The following RIC1 variants were observed in gnomAD, a reference collection of about 807,000 sequenced individuals.
RIC1 encodes guanine nucleotide exchange factor subunit RIC1.
In RIC1, 88 loss-of-function variants were observed where a neutral mutation model predicts 169.0. That is an observed-to-expected ratio of 0.52 (90% CI 0.44 to 0.62). The LOEUF (loss-of-function observed/expected upper bound fraction) is 0.62. Among genes scored for constraint, RIC1 ranks in the 20% least tolerant of loss-of-function variants. The probability of loss-of-function intolerance (pLI) is 0.00; values close to 1 mark genes in which losing one functional copy is unlikely to be tolerated. For synonymous variants in RIC1, 790 were observed against 601.5 expected (o/e 1.31, Z -4.59); for missense variants, 1,877 against 1,725.5 (o/e 1.09, Z -1.56).
At chr9:5,677,361 T>A (rs1820512623) in intron 2 of RIC1, among the ~76,000 whole-genome samples, 1 of 152,228 alleles carries the variant, frequency 6.6e-6, no homozygotes, top group Non-Finnish European at 1.5e-5. Context: ...TTTGCCCATT[T>A]TTTTAGATGG....
Position 5,656,161 on chromosome 9 carries a change from C to T in RIC1, c.145-422C>T, listed in dbSNP as rs192168494. ...CTGGGATTACAGGCATGAGCCACCG[C>T]GCCTGGCCTGTAGTTTTCTTTTCAT... On this transcript the variant is annotated intron_variant, in intron 1 of 25. Transcript: ENST00000414202. Among the ~76,000 whole-genome samples, 60 of 152,264 alleles carry T rather than the reference C, an allele frequency of 3.9e-4. No homozygotes were observed. In the East Asian group the frequency reaches 9.3e-3, roughly 23 times the overall value.
intron 7 of RIC1, among the ~76,000 whole-genome samples, chr9:5,734,482 G>T (rs914066609): frequency 6.6e-6 from 1 of 152,024 alleles, no homozygotes; most frequent in Admixed American, 6.6e-5. Flanking sequence ...ATTTTTTCCA[G>T]GAATTGGTTT....
intron 1 of RIC1, among the ~76,000 whole-genome samples, chr9:5,651,043 G>C (rs1730089010): frequency 6.6e-6 from 1 of 152,168 alleles, no homozygotes; most frequent in Non-Finnish European, 1.5e-5. Flanking sequence ...GGTGGTACAG[G>C]ACCCAGTGTG....
intron 2 of RIC1, among the ~76,000 whole-genome samples, chr9:5,676,625 CT>C (rs1417955112): frequency 2.5e-4 from 38 of 152,198 alleles, no homozygotes; most frequent in South Asian, 8.3e-4. Context: ...TAGGCATCTC[CT>C]TATCAATTTG....
intron 3 of RIC1, among the ~76,000 whole-genome samples, chr9:5,698,943 G>C (rs1822060173): frequency 6.6e-6 from 1 of 152,174 alleles, no homozygotes; most frequent in Non-Finnish European, 1.5e-5. Context: ...AAAACTTTAA[G>C]AGGTTGCCAA....
In RIC1 at chr9:5,731,881, T is replaced by C. The variant is rs1446419939; in HGVS notation, c.721-507T>C. On this transcript the variant is annotated intron_variant, in intron 6 of 25. Coordinates refer to ENST00000414202, the MANE Select transcript of RIC1 (RefSeq NM_020829.4). ...AGTCCTGAGCTGTCAGGCTTCCAGA[T>C]ACCATGCTATTAACCATTACACTAT... Among the ~76,000 whole-genome samples, 3 of 152,306 alleles carry C rather than the reference T, an allele frequency of 2.0e-5. No individual in the cohort carries two copies. In the East Asian group the frequency reaches 5.8e-4, roughly 29 times the overall value.
chr9:5,670,011 A>C (rs1449098454), intron 2 of RIC1, among the ~76,000 whole-genome samples: 1 of 152,162 alleles, frequency 6.6e-6, no homozygotes, highest in Non-Finnish European at 1.5e-5. Flanking sequence ...AGCCTGACTA[A>C]AGTTTGACTA....
At chr9:5,724,969 T>G (rs953736813) in intron 6 of RIC1, among the ~76,000 whole-genome samples, 1 of 152,248 alleles carries the variant, frequency 6.6e-6, no homozygotes, top group Non-Finnish European at 1.5e-5. Flanking sequence ...CAGTATTTTA[T>G]TGAGGATTTT....
chr9:5,675,670 C>G (rs993158947), intron 2 of RIC1, among the ~76,000 whole-genome samples: 8 of 152,074 alleles, frequency 5.3e-5, no homozygotes, highest in South Asian at 4.2e-4. Context: ...TCAGACTGTT[C>G]CCTCTGTACT....
intron 6 of RIC1, among the ~76,000 whole-genome samples, chr9:5,725,905 G>T (rs1462694574): frequency 2.0e-5 from 3 of 152,200 alleles, no homozygotes; most frequent in Non-Finnish European, 4.4e-5. Flanking sequence ...TAGTTTGATT[G>T]CACTGTGGTC....
intron 12 of RIC1, among the ~76,000 whole-genome samples, chr9:5,750,711 T>TGG (rs1825669188): frequency 6.6e-6 from 1 of 151,790 alleles, no homozygotes; most frequent in African/African-American, 2.4e-5. Flanking sequence ...TAGCACTCAG[T>TGG]TTTCCAGTGA....
intron 16 of RIC1, among the ~76,000 whole-genome samples, chr9:5,756,748 C>G: frequency 6.6e-6 from 1 of 152,080 alleles, no homozygotes; most frequent in Admixed American, 6.6e-5. Context: ...GGAAGCATGT[C>G]CTTAGCAAAC....
At chr9:5,694,877 C>T (rs184287600) in intron 3 of RIC1, among the ~76,000 whole-genome samples, 1 of 151,210 alleles carries the variant, frequency 6.6e-6, no homozygotes, top group Admixed American at 6.6e-5. Flanking sequence ...TTATTTTCAT[C>T]CATCTGTCTA....
intron 1 of RIC1, among the ~76,000 whole-genome samples, chr9:5,634,428 A>C (rs1055604786): frequency 6.6e-6 from 1 of 152,182 alleles, no homozygotes; most frequent in African/African-American, 2.4e-5. Flanking sequence ...ATATCCTAAC[A>C]GGTGTGAGGT....
intron 1 of RIC1, among the ~76,000 whole-genome samples, chr9:5,640,969 C>A (rs1206188909): frequency 6.6e-6 from 1 of 152,100 alleles, no homozygotes; most frequent in Non-Finnish European, 1.5e-5. Context: ...AGTCTGCTGT[C>A]AGAGATATTG....
chr9:5,692,171 G>A (rs568984340), intron 3 of RIC1, among the ~76,000 whole-genome samples: 128 of 152,182 alleles, frequency 8.4e-4, no homozygotes, highest in Non-Finnish European at 6.0e-4. Context: ...TTGCTTTAGA[G>A]CAGTTCGAAT....
chr9:5,679,071 A>C (rs1180274950), intron 2 of RIC1, among the ~76,000 whole-genome samples: 1 of 152,154 alleles, frequency 6.6e-6, no homozygotes, highest in African/African-American at 2.4e-5. Context: ...ATGGCTAGCC[A>C]GTTTTCCCAG....
chr9:5,630,232 T>C (rs949852450), intron 1 of RIC1, among the ~76,000 whole-genome samples: 5 of 152,320 alleles, frequency 3.3e-5, no homozygotes, highest in African/African-American at 1.2e-4. Flanking sequence ...TGAGTAGATA[T>C]GAGAAAGAAA....
chr9:5,744,549 T>A (rs1825270321), intron 10 of RIC1, among the ~76,000 whole-genome samples: 1 of 152,172 alleles, frequency 6.6e-6, no homozygotes, highest in Non-Finnish European at 1.5e-5. Context: ...GACTCAAGTC[T>A]AAACACAGAA....
Sources: allele counts gnomAD v4.1 joint callset (sites outside exome capture counted in the v4.1 genomes callset), GRCh38; gene constraint gnomAD v4.1.1; transcripts MANE v1.5; gene names NCBI Gene and HGNC (gene_info 2026-07-23, HGNC 2026-07-21).